VASH2: variants seen among roughly 807,000 people sequenced by gnomAD.
VASH2 encodes vasohibin 2.
A neutral mutation model predicts 37.2 loss-of-function variants in VASH2; 28 were observed. That is an observed-to-expected ratio of 0.75 (90% CI 0.56 to 1.03). VASH2 has a LOEUF of 1.03. VASH2 is among the 50% of genes least tolerant of loss of function. The probability of loss-of-function intolerance (pLI) is 0.00; values close to 1 mark genes in which losing one functional copy is unlikely to be tolerated. For missense variants in VASH2, 419 were observed against 459.1 expected (o/e 0.91, Z 0.80); for synonymous variants, 188 against 174.7 (o/e 1.08, Z -0.60).
rs191896857 is a variant in VASH2, at chr1:212,983,422, G to T, written c.996-5090G>T. 2.0e-5 allele frequency among the ~76,000 whole-genome samples: 3 copies of T among 152,322 alleles called. No individual in the cohort carries two copies. In the East Asian group the frequency reaches 5.8e-4, roughly 29 times the overall value. On this transcript the variant is annotated intron_variant, in intron 7 of 7. Transcript: ENST00000517399. The stretch of plus-strand genomic sequence containing the variant: ...CAAAGAGAGGGAGAGAGGAAAGAAA[G>T]AGAGCAAGCACAAGTGTGCAAAGGG...
intron 7 of VASH2, 90 bp downstream of exon 7, chr1:212,974,160 G>A (rs1667106707): frequency 7.0e-7 from 1 of 1,432,468 alleles, no homozygotes. Flanking sequence ...TGTGTCTTGG[G>A]CATGGCATTT....
At chr1:212,980,249 T>C (rs192560951) in intron 7 of VASH2, among the ~76,000 whole-genome samples, 2 of 152,292 alleles carry the variant, frequency 1.3e-5, no homozygotes, top group East Asian at 1.9e-4. Context: ...CCTGGGTGAA[T>C]TGGAGTGAGC....
rs1572066949 is a variant in VASH2 at position 212,966,957 on chromosome 1, C to T, written c.497+612C>T. On this transcript the variant is annotated intron_variant, in intron 5 of 7. Coordinates refer to ENST00000517399, the MANE Select transcript of VASH2 (RefSeq NM_001301056.2). ...GGTTTCACCATGTTTCACCAGCAGG[C>T]TGGTCTCAAACTGCTGAGCTCAAGT... The T allele has an allele frequency of 6.5e-6, 3 of 461,924 alleles. No homozygotes were observed. The East Asian group carries it at 2.1e-4, about 33-fold the overall frequency. 28.6% of individuals were successfully genotyped at this position (461,924 alleles called of 1,614,324 possible).
intron 2 of VASH2, among the ~76,000 whole-genome samples, chr1:212,956,971 G>T (rs1055811924): frequency 6.6e-6 from 1 of 152,132 alleles, no homozygotes; most frequent in East Asian, 1.9e-4. Context: ...TCCATCTCCA[G>T]ACGTTTTTCA....
intron 7 of VASH2, 54 bp downstream of exon 7, chr1:212,974,124 G>T: frequency 6.5e-7 from 1 of 1,541,632 alleles, no homozygotes; most frequent in Non-Finnish European, 8.8e-7. Context: ...CATTCAAGGG[G>T]TTGTCCTGGC....
At chr1:212,969,312 C>A in intron 5 of VASH2, 1 of 525,010 alleles carries the variant, frequency 1.9e-6, no homozygotes, top group Non-Finnish European at 2.4e-6. Flanking sequence ...CCTGCCTCAG[C>A]CTCCCCAGCA....
At chr1:212,978,211 G>T (rs977490671) in intron 7 of VASH2, among the ~76,000 whole-genome samples, 1 of 152,204 alleles carries the variant, frequency 6.6e-6, no homozygotes, top group African/African-American at 2.4e-5. Context: ...CCTAGGCCAT[G>T]CCCATACGCT....
rs1359239325 is a variant in VASH2 at position 212,962,129 on chromosome 1, C to A, written c.365+875C>A. Reference sequence around the variant, plus strand: ...GCTTGAAGAAGACTTAAGAAACTCACTGGGTTCAGTCTGAGTTCAGACCAG... The same window carrying A: ...GCTTGAAGAAGACTTAAGAAACTCAATGGGTTCAGTCTGAGTTCAGACCAG... On this transcript the variant is annotated intron_variant, in intron 3 of 7. Transcript: ENST00000517399. Among the ~76,000 whole-genome samples, 3 of 152,322 alleles carry A rather than the reference C, an allele frequency of 2.0e-5. No individual in the cohort carries two copies. The East Asian group carries it at 5.8e-4, about 29-fold the overall frequency.
chr1:212,975,408 T>A (rs550646176), intron 7 of VASH2, among the ~76,000 whole-genome samples: 4 of 152,320 alleles, frequency 2.6e-5, no homozygotes, highest in African/African-American at 7.2e-5. Flanking sequence ...GTGTTCCTGG[T>A]AGCAAGAGAG....
chr1:212,959,666 C>T (rs989625627), intron 2 of VASH2, among the ~76,000 whole-genome samples: 2 of 152,242 alleles, frequency 1.3e-5, no homozygotes, highest in Non-Finnish European at 2.9e-5. Flanking sequence ...AGGCGGGGGG[C>T]AGCGTGCCCT....
chr1:212,969,009 T>C (rs1269808849), intron 5 of VASH2: 1 of 985,332 alleles, frequency 1.0e-6, no homozygotes, highest in African/African-American at 1.7e-5. Flanking sequence ...ATTGTGGGGA[T>C]AGACCCAGGA....
At chr1:212,974,628 T>C (rs1667117344) in intron 7 of VASH2, 1 of 152,224 alleles carries the variant, frequency 6.6e-6, no homozygotes, top group South Asian at 2.1e-4. Flanking sequence ...ATCTACTTCT[T>C]AGACCAAAAT....
In VASH2 at chr1:212,971,435, T is replaced by G. The variant is rs939027911; in HGVS notation, c.498-1145T>G. Among the ~76,000 whole-genome samples, 11 of 152,192 alleles carry G rather than the reference T, an allele frequency of 7.2e-5. No individual in the cohort carries two copies. Among genetic ancestry groups the G allele is most frequent in the African/African-American group, 2.4e-4 (10 of 41,432 alleles). ...GACCTCCGGAGAAGGGCTGTGTTCTTATCTTTGGCTCCACAGCCCTACCTG... is the reference window on the plus strand; with the variant it reads ...GACCTCCGGAGAAGGGCTGTGTTCTGATCTTTGGCTCCACAGCCCTACCTG... On this transcript the variant is annotated intron_variant, in intron 5 of 7. Coordinates refer to ENST00000517399, the MANE Select transcript of VASH2 (RefSeq NM_001301056.2). This position sits in a 1 kb window ranked among gnomAD's most constrained non-coding sequence, Gnocchi z 4.0.
At chr1:212,967,543 C>T in intron 5 of VASH2, 3 of 725,338 alleles carry the variant, frequency 4.1e-6, no homozygotes, top group South Asian at 6.7e-5. Flanking sequence ...TTCCAAAAGG[C>T]AATGGGCAAC....
At chr1:212,955,257 A>G (rs919391905) in intron 2 of VASH2, among the ~76,000 whole-genome samples, 21 of 152,312 alleles carry the variant, frequency 1.4e-4, no homozygotes, top group African/African-American at 4.3e-4. Flanking sequence ...TGCATGGAGG[A>G]CTAAATGACA....
rs559738603 is a variant in VASH2 at position 212,964,780 on chromosome 1, G to A, written c.366-942G>A. On this transcript the variant is annotated intron_variant, in intron 3 of 7. Transcript: ENST00000517399. ...CACCCTTTCATCCTTGCTTCCATCC[G>A]TCCCCATCCACCCTTCCAATCCATC... is the stretch of plus-strand genomic sequence containing the variant. 2.6e-4 allele frequency among the ~76,000 whole-genome samples: 39 copies of A among 152,086 alleles called. No individual in the cohort carries two copies. In the South Asian group the frequency reaches 2.9e-3, roughly 11 times the overall value.
At chr1:212,976,618 A>G (rs1667181031) in intron 7 of VASH2, among the ~76,000 whole-genome samples, 1 of 151,978 alleles carries the variant, frequency 6.6e-6, no homozygotes, top group Non-Finnish European at 1.5e-5. Context: ...CAAGAAAAAG[A>G]GCCAGAACAG....
intron 3 of VASH2, among the ~76,000 whole-genome samples, chr1:212,963,775 T>TA (rs1373427949): frequency 6.6e-6 from 1 of 152,006 alleles, no homozygotes; most frequent in African/African-American, 2.4e-5. Flanking sequence ...ACTTTTTTTT[T>TA]TTATTTTACT....
intron 7 of VASH2, among the ~76,000 whole-genome samples, chr1:212,975,900 G>A (rs985217244): frequency 2.0e-5 from 3 of 152,220 alleles, no homozygotes; most frequent in African/African-American, 7.2e-5. Flanking sequence ...TTCCTGCACA[G>A]AATGGTGGCT....
Sources: allele counts gnomAD v4.1 joint callset (sites outside exome capture counted in the v4.1 genomes callset), GRCh38; gene constraint gnomAD v4.1.1; non-coding constraint Gnocchi (gnomAD v3.1); transcripts MANE v1.5; gene names NCBI Gene and HGNC (gene_info 2026-07-23, HGNC 2026-07-21).